MID1: variants seen among roughly 807,000 people sequenced by gnomAD.
MID1 encodes E3 ubiquitin-protein ligase Midline-1.
In MID1, 7 loss-of-function variants were observed where a neutral mutation model predicts 40.4. That is an observed-to-expected ratio of 0.17 (90% CI 0.10 to 0.33). The LOEUF is 0.33. Among genes scored for constraint, MID1 ranks in the 10% least tolerant of loss-of-function variants. The pLI is 1.00. For missense variants in MID1, 367 were observed against 558.5 expected (o/e 0.66, Z 3.46); for synonymous variants, 229 against 221.2 (o/e 1.04, Z -0.31).
intron 1 of MID1, among the ~76,000 whole-genome samples, chrX:10,757,582 AT>A (rs201476056): frequency 2.4e-4 from 27 of 111,712 alleles, no homozygotes; most frequent in Non-Finnish European, 4.1e-4. Flanking sequence ...TTTAAAAGTC[AT>A]TTTTTTTGGA....
intron 2 of MID1, among the ~76,000 whole-genome samples, chrX:10,561,755 T>C (rs1934346982): frequency 9.3e-6 from 1 of 107,024 alleles, no homozygotes; most frequent in African/African-American, 3.7e-5. Flanking sequence ...GAAATAGGAA[T>C]GTTTTTACAC....
chrX:10,821,903 G>A (rs1443177492), intron 1 of MID1, among the ~76,000 whole-genome samples: 1 of 110,869 alleles, frequency 9.0e-6, no homozygotes, highest in African/African-American at 3.3e-5. Flanking sequence ...TGTTTGCTGG[G>A]CTTTTGTTTA....
intron 3 of MID1, among the ~76,000 whole-genome samples, chrX:10,498,525 T>C (rs952385889): frequency 8.9e-6 from 1 of 112,226 alleles, no homozygotes; most frequent in African/African-American, 3.2e-5. Context: ...GATGATTTCA[T>C]GTGCAATCGT....
intron 2 of MID1, among the ~76,000 whole-genome samples, chrX:10,539,393 G>A (rs1167538036): frequency 9.0e-6 from 1 of 111,731 alleles, no homozygotes. Context: ...TATACTATCT[G>A]TGACCTTCAA....
chrX:10,483,586 AG>A (rs1930457690), intron 4 of MID1, among the ~76,000 whole-genome samples: 1 of 112,058 alleles, frequency 8.9e-6, no homozygotes, highest in African/African-American at 3.2e-5. Context: ...CCACACACCC[AG>A]GGACAGGTTT....
At chrX:10,794,477 C>T (rs188422913) in intron 1 of MID1, among the ~76,000 whole-genome samples, 1 of 112,326 alleles carries the variant, frequency 8.9e-6, no homozygotes, top group Non-Finnish European at 1.9e-5. Flanking sequence ...CAAGATCAAC[C>T]ATCACATAGA....
intron 1 of MID1, among the ~76,000 whole-genome samples, chrX:10,773,228 G>A (rs1353013779): frequency 2.7e-5 from 3 of 111,717 alleles, no homozygotes; most frequent in African/African-American, 9.8e-5. Flanking sequence ...GAATAGTTCT[G>A]TTAAAGCTGT....
At chrX:10,828,766 ACTT>A (rs1362117954) in intron 1 of MID1, among the ~76,000 whole-genome samples, 1 of 112,251 alleles carries the variant, frequency 8.9e-6, no homozygotes, top group Admixed American at 9.4e-5. Flanking sequence ...ATCTGCTTCT[ACTT>A]CTTCAACCCC....
chrX:10,720,937 C>T (rs1325910479), intron 1 of MID1, among the ~76,000 whole-genome samples: 2 of 108,871 alleles, frequency 1.8e-5, no homozygotes, highest in African/African-American at 6.7e-5. Flanking sequence ...TCTCAGCAAA[C>T]TATCGCAAGG....
At chrX:10,617,341 G>C (rs1195858462) in intron 1 of MID1, among the ~76,000 whole-genome samples, 2 of 112,093 alleles carry the variant, frequency 1.8e-5, no homozygotes, top group African/African-American at 6.5e-5. Flanking sequence ...TCAGAGGAAA[G>C]ATTAATACGA....
At chrX:10,659,419 A>G (rs756148820) in intron 1 of MID1, among the ~76,000 whole-genome samples, 1 of 111,791 alleles carries the variant, frequency 8.9e-6, no homozygotes, top group South Asian at 3.8e-4. Context: ...CACATATGCC[A>G]CAGAAGGCAC....
chrX:10,646,391 G>A (rs1306829201), intron 1 of MID1, among the ~76,000 whole-genome samples: 1 of 111,482 alleles, frequency 9.0e-6, no homozygotes, highest in Non-Finnish European at 1.9e-5. Context: ...TATAGTCCCA[G>A]GGTATATTTG....
intron 3 of MID1, among the ~76,000 whole-genome samples, chrX:10,496,320 C>T (rs760635937): frequency 7.1e-5 from 8 of 112,362 alleles, no homozygotes; most frequent in East Asian, 2.8e-4. Context: ...GGTTCTACAA[C>T]GAAAGCATAA....
At chrX:10,771,530 C>G (rs1391718885) in intron 1 of MID1, among the ~76,000 whole-genome samples, 2 of 106,989 alleles carry the variant, frequency 1.9e-5, no homozygotes, top group Non-Finnish European at 3.9e-5. Flanking sequence ...TCATTCTTGT[C>G]GCCCAGGCTG....
chrX:10,687,292 A>C (rs1256589174), intron 1 of MID1, among the ~76,000 whole-genome samples: 1 of 111,945 alleles, frequency 8.9e-6, no homozygotes, highest in Non-Finnish European at 1.9e-5. Context: ...TTGTCTCTTA[A>C]ATTTCTCCCT....
At chrX:10,807,464 T>C (rs2044056255) in intron 1 of MID1, among the ~76,000 whole-genome samples, 1 of 111,542 alleles carries the variant, frequency 9.0e-6, no homozygotes, top group Admixed American at 9.6e-5. Context: ...CCTGGGCTCT[T>C]ACCTGGAGGC....
At chrX:10,486,493 T>C (rs1474920464) in intron 4 of MID1, among the ~76,000 whole-genome samples, 1 of 111,697 alleles carries the variant, frequency 9.0e-6, no homozygotes, top group Non-Finnish European at 1.9e-5. Context: ...ACCTCAGATT[T>C]CCACGGGTTG....
chrX:10,740,185 T>C lies in MID1; in HGVS notation c.-187+93369A>G, dbSNP rs190019717. 4.4e-3 allele frequency among the ~76,000 whole-genome samples: 501 copies of C among 113,035 alleles called. 5 individuals are homozygous for C. The highest frequency in any genetic ancestry group is 0.015 in the African/African-American group (474 of 31,212). On this transcript the variant is annotated intron_variant, in intron 1 of 10. Coordinates refer to the MID1 transcript ENST00000380785. Reference sequence around the variant, plus strand: ...ATGCAATACAGCATCTGGGGAAAGATAAATGAAGAAAATCCAATACATGAA... The same window carrying C: ...ATGCAATACAGCATCTGGGGAAAGACAAATGAAGAAAATCCAATACATGAA...
At chrX:10,706,143 T>C (rs2147085814) in intron 1 of MID1, among the ~76,000 whole-genome samples, 1 of 110,539 alleles carries the variant, frequency 9.0e-6, no homozygotes, top group East Asian at 2.9e-4. Flanking sequence ...ATAAAAAATG[T>C]CTCCAGACAT....
Sources: gnomAD v4.1 joint callset for allele counts (sites outside exome capture counted in the v4.1 genomes callset) on GRCh38, gnomAD v4.1.1 for gene constraint, MANE v1.5 for transcripts, NCBI Gene and HGNC (gene_info 2026-07-23, HGNC 2026-07-21) for gene names.